The following ALPL variants were observed in gnomAD, a reference collection of about 807,000 sequenced individuals.
ALPL encodes alkaline phosphatase, biomineralization associated.
Under a neutral mutation model 51.3 loss-of-function variants are expected in ALPL, and 42 were observed. That is an observed-to-expected ratio of 0.82 (90% CI 0.64 to 1.06). The LOEUF (loss-of-function observed/expected upper bound fraction) is 1.06, where lower values mean the gene tolerates loss of function less well. Among genes scored for constraint, ALPL ranks in the 50% least tolerant of loss-of-function variants. The probability of loss-of-function intolerance (pLI) is 0.00; values close to 1 mark genes in which losing one functional copy is unlikely to be tolerated. For missense variants in ALPL, 589 were observed against 709.4 expected (o/e 0.83, Z 1.93); for synonymous variants, 279 against 296.4 (o/e 0.94, Z 0.60).
At chr1:21,561,014 A>T (rs995684937) in intron 3 of ALPL, 83 bp from the exon 4 acceptor site, 7 of 1,321,930 alleles carry the variant, frequency 5.3e-6, no homozygotes, top group Middle Eastern at 2.4e-4. Flanking sequence ...CTTGGTACCG[A>T]ACTAGAGAGC....
rs1644481046 is a variant in ALPL at position 21,561,230 on chromosome 1, G to A, written c.297+18G>A. The A allele has an allele frequency of 6.3e-7, 1 of 1,582,848 alleles. No individual in the cohort carries two copies. Among genetic ancestry groups the A allele is most frequent in the South Asian group, 1.1e-5 (1 of 87,408 alleles). On this transcript the variant is annotated intron_variant, in intron 4 of 11. Coordinates refer to ENST00000374840, the MANE Select transcript of ALPL (RefSeq NM_000478.6). ...TCTCCAAGGTGAGCCCCATCCCCAAGCCCAGTTCAGGTCTGTATATCCAGT... is the reference window on the plus strand; with the variant it reads ...TCTCCAAGGTGAGCCCCATCCCCAAACCCAGTTCAGGTCTGTATATCCAGT...
chr1:21,521,428 A>G (rs1643882290), intron 1 of ALPL, among the ~76,000 whole-genome samples: 1 of 152,084 alleles, frequency 6.6e-6, no homozygotes, highest in Admixed American at 6.5e-5. Context: ...CAGGTGATCC[A>G]CTTGCCTTGG....
At chr1:21,551,071 G>C (rs1644314529) in intron 1 of ALPL, among the ~76,000 whole-genome samples, 1 of 152,178 alleles carries the variant, frequency 6.6e-6, no homozygotes, top group Non-Finnish European at 1.5e-5. Context: ...GTGCCTGTCT[G>C]CACTCCACCA....
chr1:21,567,017 A>G (rs1336345101), intron 6 of ALPL, among the ~76,000 whole-genome samples: 1 of 152,156 alleles, frequency 6.6e-6, no homozygotes, highest in East Asian at 1.9e-4. Context: ...GGCCATGACC[A>G]TGGCCTGGAC....
At chr1:21,554,893 T>C (rs1452383691) in intron 2 of ALPL, among the ~76,000 whole-genome samples, 6 of 120,960 alleles carry the variant, frequency 5.0e-5, no homozygotes, top group South Asian at 2.6e-4. Context: ...TTCTTTTTCT[T>C]TCTTTCTTTC....
intron 10 of ALPL, 69 bp from the exon 11 acceptor site, chr1:21,576,453 T>C (rs1047996147): frequency 2.9e-5 from 45 of 1,578,006 alleles, no homozygotes; most frequent in Non-Finnish European, 3.6e-5. Context: ...CCAAGGAGCC[T>C]AATCTGGGGG....
intron 8 of ALPL, among the ~76,000 whole-genome samples, chr1:21,573,232 G>T (rs1644674588): frequency 6.6e-6 from 1 of 152,122 alleles, no homozygotes; most frequent in African/African-American, 2.4e-5. Flanking sequence ...TCAGGAGTTC[G>T]AGACCAGCCT....
intron 1 of ALPL, among the ~76,000 whole-genome samples, chr1:21,523,010 G>A (rs1558528152): frequency 1.3e-5 from 2 of 152,216 alleles, no homozygotes; most frequent in Non-Finnish European, 2.9e-5. Context: ...TTTGGGCTGG[G>A]CGCAGTGGCC....
chr1:21,514,603 G>C (rs542441710), intron 1 of ALPL, among the ~76,000 whole-genome samples: 1 of 151,976 alleles, frequency 6.6e-6, no homozygotes, highest in Non-Finnish European at 1.5e-5. Context: ...GGTTACATGC[G>C]GGGGGCTCTG....
In ALPL at chr1:21,564,555, G is replaced by A. The variant is rs1413053900; in HGVS notation, c.648+339G>A. On this transcript the variant is annotated intron_variant, in intron 6 of 11. Coordinates refer to ENST00000374840, the MANE Select transcript of ALPL (RefSeq NM_000478.6). This position sits in a 1 kb window ranked among gnomAD's most constrained non-coding sequence, Gnocchi z 5.8. ...GCCAAGTGTCGTCTGCCTGCCCTGC[G>A]TATTCACATGGTCACAGATGGGTAC... Among the ~76,000 whole-genome samples the A allele has an allele frequency of 2.0e-5, 3 of 152,178 alleles. No individual in the cohort carries two copies. Among genetic ancestry groups the A allele is most frequent in the Admixed American group, 6.5e-5 (1 of 15,276 alleles).
chr1:21,544,306 T>C (rs147497701), intron 1 of ALPL, among the ~76,000 whole-genome samples: 117 of 152,360 alleles, frequency 7.7e-4, no homozygotes, highest in Non-Finnish European at 1.3e-3. Context: ...GGATCAGATT[T>C]GCTGGCTGTG....
intron 1 of ALPL, among the ~76,000 whole-genome samples, chr1:21,532,079 A>C (rs1321491637): frequency 6.6e-6 from 1 of 152,162 alleles, no homozygotes; most frequent in Non-Finnish European, 1.5e-5. Flanking sequence ...TGGATTCCCC[A>C]ATCCCCTGTC....
At chr1:21,570,245 G>T in intron 7 of ALPL, 60 bp from the exon 8 acceptor site, 1 of 1,531,154 alleles carries the variant, frequency 6.5e-7, no homozygotes, top group Non-Finnish European at 9.0e-7. Context: ...TAGCTGCTGG[G>T]GTCAGTCCTT....
chr1:21,559,218 G>A (rs1490255898), intron 2 of ALPL, among the ~76,000 whole-genome samples: 2 of 152,186 alleles, frequency 1.3e-5, no homozygotes, highest in African/African-American at 4.8e-5. Context: ...GAAACCGCTA[G>A]GGAGCCTCCT....
intron 1 of ALPL, among the ~76,000 whole-genome samples, chr1:21,533,344 T>C (rs1310990156): frequency 6.6e-6 from 1 of 152,226 alleles, no homozygotes; most frequent in East Asian, 1.9e-4. Flanking sequence ...GACAGTTGTT[T>C]CACCACTATA....
Position 21,577,588 on chromosome 1 carries a change from C to A in ALPL, c.1515C>A (p.Ser505Arg), listed in dbSNP as rs754694335. The part of the protein sequence containing the change: ...GHCAPASSAG[S>R]LAAGPLLLAL... Reference sequence around the variant, plus strand: ...GTGCTCCTGCCAGCTCGGCAGGCAGCCTTGCTGCAGGCCCCCTGCTGCTCG... The same window carrying A: ...GTGCTCCTGCCAGCTCGGCAGGCAGACTTGCTGCAGGCCCCCTGCTGCTCG... The change falls in exon 12 of 12, where the codon AGC (serine) becomes AGA (arginine). Residue 505 changes from serine (S) to arginine (R), a missense_variant. By Grantham distance (110) the Ser-to-Arg change is moderately radical. Coordinates refer to ENST00000374840, the MANE Select transcript of ALPL (RefSeq NM_000478.6). 1.6e-5 allele frequency: 25 copies of A among 1,601,996 alleles called. No individual in the cohort carries two copies. The highest frequency in any genetic ancestry group is 2.1e-5 in the Non-Finnish European group (25 of 1,179,758).
intron 1 of ALPL, among the ~76,000 whole-genome samples, chr1:21,511,597 A>G (rs1643688600): frequency 6.6e-6 from 1 of 152,152 alleles, no homozygotes; most frequent in African/African-American, 2.4e-5. Flanking sequence ...GTTGGGCTAC[A>G]CATGTGGGGT....
chr1:21,520,662 C>T (rs1054904034), intron 1 of ALPL, among the ~76,000 whole-genome samples: 3 of 151,894 alleles, frequency 2.0e-5, no homozygotes, highest in South Asian at 4.2e-4. Flanking sequence ...GGGGTTTCAC[C>T]GTGTTAGCCA....
chr1:21,545,226 G>A (rs1363551338), intron 1 of ALPL, among the ~76,000 whole-genome samples: 1 of 152,018 alleles, frequency 6.6e-6, no homozygotes, highest in Non-Finnish European at 1.5e-5. Flanking sequence ...AAATAGAGGT[G>A]TAAACAGACT....
Sources: gnomAD v4.1 joint callset for allele counts (sites outside exome capture counted in the v4.1 genomes callset) on GRCh38, gnomAD v4.1.1 for gene constraint, Gnocchi (gnomAD v3.1) non-coding constraint, MANE v1.5 for transcripts, NCBI Gene and HGNC (gene_info 2026-07-23, HGNC 2026-07-21) for gene names.